The following SMARCC1 variants were observed in gnomAD, a reference collection of about 807,000 sequenced individuals.
SMARCC1 encodes the protein SWI/SNF related BAF chromatin remodeling complex subunit C1.
SMARCC1 carries 43 observed loss-of-function variants against 147.4 expected under a neutral mutation model. That is an observed-to-expected ratio of 0.29 (90% CI 0.23 to 0.38). The LOEUF is 0.38. SMARCC1 is among the 10% of genes least tolerant of loss of function. The pLI is 1.00. For synonymous variants in SMARCC1, 495 were observed against 484.4 expected (o/e 1.02, Z -0.29); for missense variants, 1,119 against 1,381.1 (o/e 0.81, Z 3.01).
intron 26 of SMARCC1, among the ~76,000 whole-genome samples, chr3:47,600,775 A>G (rs1046257422): frequency 2.6e-5 from 4 of 152,160 alleles, no homozygotes; most frequent in African/African-American, 7.2e-5. Flanking sequence ...AAGTCTAAAC[A>G]TCTTTATGGG....
Position 47,675,523 on chromosome 3 carries a change from C to G in SMARCC1, c.1791G>C (p.Gln597His), listed in dbSNP as rs1431657473. ...AAATGTCAGTACGGAGACCAAAGTT[C>G]TGCAAATCAACTGGTTTTTCCTTGT... ...EKNKEKPVDL[Q>H]NFGLRTDIYS... The change falls in exon 18 of 28, where the codon CAG (glutamine) becomes CAC (histidine). Residue 597 changes from glutamine (Q) to histidine (H), a missense_variant. This residue lies in a region of SMARCC1 where 178 missense variants were observed against 264.6 expected (regional missense o/e 0.67). Coordinates refer to ENST00000254480, the MANE Select transcript of SMARCC1 (RefSeq NM_003074.4). 1.2e-6 allele frequency: 2 copies of G among 1,613,198 alleles called. No homozygotes were observed. Among genetic ancestry groups the G allele is most frequent in the South Asian group, 2.2e-5 (2 of 91,068 alleles).
intron 26 of SMARCC1, chr3:47,604,370 C>G (rs1165820688): frequency 4.5e-6 from 2 of 442,320 alleles, no homozygotes; most frequent in East Asian, 1.4e-4. Flanking sequence ...TGATTATTCC[C>G]ATCATATATC....
intron 1 of SMARCC1, among the ~76,000 whole-genome samples, chr3:47,778,212 A>AAAAAAAAAC (rs1553693293): frequency 4.1e-5 from 5 of 121,320 alleles, no homozygotes; most frequent in Non-Finnish European, 8.5e-5. Flanking sequence ...ACAAAAAACA[A>AAAAAAAAAC]AAAACAAAAA....
intron 2 of SMARCC1, among the ~76,000 whole-genome samples, chr3:47,770,401 A>G (rs1219787610): frequency 6.6e-6 from 1 of 151,914 alleles, no homozygotes; most frequent in African/African-American, 2.4e-5. Context: ...CGGGTGGATC[A>G]CCTGAGATCA....
At chr3:47,753,262 T>G (rs1326351108) in intron 2 of SMARCC1, among the ~76,000 whole-genome samples, 68 of 140,938 alleles carry the variant, frequency 4.8e-4, no homozygotes, top group Admixed American at 7.0e-4. Context: ...GAGGTGGAGG[T>G]AGCAGTGAGC....
intron 26 of SMARCC1, chr3:47,601,692 T>C (rs950466481): frequency 9.9e-5 from 15 of 151,632 alleles, no homozygotes; most frequent in Non-Finnish European, 1.8e-4. Flanking sequence ...CTACGGCTTT[T>C]TTTTTCTTTT....
chr3:47,651,394 T>C (rs979911207), intron 21 of SMARCC1, among the ~76,000 whole-genome samples: 1 of 152,208 alleles, frequency 6.6e-6, no homozygotes, highest in African/African-American at 2.4e-5. Context: ...TATTTTACAA[T>C]AGCCCACAAA....
intron 13 of SMARCC1, among the ~76,000 whole-genome samples, chr3:47,687,561 T>C (rs1188615505): frequency 2.0e-5 from 3 of 152,218 alleles, no homozygotes; most frequent in Non-Finnish European, 4.4e-5. Flanking sequence ...CCTCTTATCT[T>C]TGGCATTAAA....
chr3:47,735,034 C>T (rs1018097201), intron 5 of SMARCC1, among the ~76,000 whole-genome samples: 3 of 152,048 alleles, frequency 2.0e-5, no homozygotes, highest in Non-Finnish European at 4.4e-5. Flanking sequence ...GGATTACAGG[C>T]GTGAGCCACC....
intron 10 of SMARCC1, among the ~76,000 whole-genome samples, chr3:47,706,099 T>C (rs1489293898): frequency 6.6e-6 from 1 of 151,588 alleles, no homozygotes; most frequent in Non-Finnish European, 1.5e-5. Flanking sequence ...ACATGGTGAA[T>C]ATAATGTCTT....
intron 5 of SMARCC1, among the ~76,000 whole-genome samples, chr3:47,733,200 C>T (rs78195706): frequency 0.017 from 2,548 of 152,318 alleles, 84 homozygotes; most frequent in African/African-American, 0.058. Context: ...TAAGCACATG[C>T]TGTTGGGAAA....
At chr3:47,678,474 A>G in intron 15 of SMARCC1, 163 bp from the exon 16 acceptor site, 1 of 424,880 alleles carries the variant, frequency 2.4e-6, no homozygotes, top group Non-Finnish European at 4.2e-6. Context: ...GTTATGAGTG[A>G]ATTTAGAACC....
chr3:47,767,064 T>A (rs1329784445), intron 2 of SMARCC1, among the ~76,000 whole-genome samples: 1 of 151,436 alleles, frequency 6.6e-6, no homozygotes. Context: ...GCACCTGTTG[T>A]CCCAGCTACT....
At chr3:47,593,678 C>G (rs185282415) in intron 26 of SMARCC1, among the ~76,000 whole-genome samples, 1 of 152,216 alleles carries the variant, frequency 6.6e-6, no homozygotes, top group Admixed American at 6.5e-5. Context: ...TTACAATACA[C>G]AAAGCAGTAC....
At chr3:47,685,630 C>A (rs2033711818) in intron 14 of SMARCC1, among the ~76,000 whole-genome samples, 1 of 150,934 alleles carries the variant, frequency 6.6e-6, no homozygotes, top group Non-Finnish European at 1.5e-5. Context: ...GAGGCTGAAG[C>A]AGGTGGATCA....
At chr3:47,690,359 G>A (rs73831524) in intron 12 of SMARCC1, among the ~76,000 whole-genome samples, 2,463 of 152,172 alleles carry the variant, frequency 0.016, 60 homozygotes, top group African/African-American at 0.047. Context: ...AGAGGAAGTG[G>A]GTAGGTGGAC....
chr3:47,664,767 G>C (rs1016448261), intron 19 of SMARCC1, among the ~76,000 whole-genome samples: 1 of 152,172 alleles, frequency 6.6e-6, no homozygotes, highest in Non-Finnish European at 1.5e-5. Context: ...CCCAACTGGA[G>C]AAGTGCTGCT....
At chr3:47,656,481 T>C (rs1045069476) in intron 21 of SMARCC1, among the ~76,000 whole-genome samples, 3 of 152,222 alleles carry the variant, frequency 2.0e-5, no homozygotes, top group Admixed American at 2.0e-4. Flanking sequence ...GCCCTATGGC[T>C]ATGAAGGGTA....
chr3:47,714,956 C>A (rs1348919444), intron 7 of SMARCC1, among the ~76,000 whole-genome samples: 2 of 152,224 alleles, frequency 1.3e-5, no homozygotes, highest in East Asian at 1.9e-4. Flanking sequence ...AGACTAAGAT[C>A]AAAAAATTTT....
Sources: allele counts gnomAD v4.1 joint callset (sites outside exome capture counted in the v4.1 genomes callset), GRCh38; gene constraint gnomAD v4.1.1; regional missense constraint gnomAD v4.1.1; transcripts MANE v1.5; gene names NCBI Gene and HGNC (gene_info 2026-07-23, HGNC 2026-07-21).